The following VPS41 variants were observed in gnomAD, a reference collection of about 807,000 sequenced individuals.
VPS41 encodes VPS41 subunit of HOPS complex.
Under a neutral mutation model 130.9 loss-of-function variants are expected in VPS41, and 85 were observed. That is an observed-to-expected ratio of 0.65 (90% CI 0.55 to 0.78). VPS41 has a LOEUF of 0.78. Among genes scored for constraint, VPS41 ranks in the 30% least tolerant of loss-of-function variants. The pLI, the probability that VPS41 is intolerant of heterozygous loss-of-function variation, is 0.00. For synonymous variants in VPS41, 335 were observed against 332.9 expected (o/e 1.01, Z -0.07); for missense variants, 874 against 1,018.7 (o/e 0.86, Z 1.93).
chr7:38,746,213 C>A (rs1795981476), intron 22 of VPS41, among the ~76,000 whole-genome samples: 1 of 149,392 alleles, frequency 6.7e-6, no homozygotes, highest in Non-Finnish European at 1.5e-5. Context: ...AAGAAGGATC[C>A]AAAAAGGAGC....
At chr7:38,842,327 G>A (rs544665156) in intron 4 of VPS41, among the ~76,000 whole-genome samples, 74 of 152,166 alleles carry the variant, frequency 4.9e-4, no homozygotes, top group African/African-American at 1.3e-3. Context: ...ACACACGCTC[G>A]TCTTCTCCAA....
intron 2 of VPS41, among the ~76,000 whole-genome samples, chr7:38,888,045 G>A (rs1458121576): frequency 1.3e-5 from 2 of 152,212 alleles, no homozygotes; most frequent in Non-Finnish European, 2.9e-5. Flanking sequence ...GACGTGGATA[G>A]GAACAACTGG....
chr7:38,888,581 A>G (rs892217808), intron 2 of VPS41, among the ~76,000 whole-genome samples: 1 of 152,218 alleles, frequency 6.6e-6, no homozygotes, highest in Non-Finnish European at 1.5e-5. Context: ...ATAATGGGAG[A>G]CTTTAACACC....
At chr7:38,898,044 C>T in intron 2 of VPS41, 47 bp downstream of exon 2, 2 of 1,585,340 alleles carry the variant, frequency 1.3e-6, no homozygotes, top group African/African-American at 1.3e-5. Context: ...CTCAAGAGAA[C>T]AACGTGGTGA....
rs755672879 is a variant in VPS41, at chr7:38,726,205, CAA to C, written c.*39_*40del. ...GCTTTTGTTGTTGCAAAAACAGTCT[CAA>C]AAAGAGTGGTGACAAGGAGACTGAC... is the stretch of plus-strand genomic sequence containing the variant. On this transcript the variant is annotated 3_prime_UTR_variant, in exon 29 of 29. Coordinates refer to ENST00000310301, the MANE Select transcript of VPS41 (RefSeq NM_014396.4). 19 of 1,424,690 alleles carry C rather than the reference CAA, an allele frequency of 1.3e-5. No individual in the cohort carries two copies. In the African/African-American group the frequency reaches 2.0e-4, roughly 15 times the overall value. 88.3% of individuals were successfully genotyped at this position (1,424,690 alleles called of 1,614,324 possible).
At chr7:38,861,087 T>C (rs1405211851) in intron 4 of VPS41, among the ~76,000 whole-genome samples, 4 of 152,102 alleles carry the variant, frequency 2.6e-5, no homozygotes, top group East Asian at 3.9e-4. Flanking sequence ...AGGATGGATG[T>C]AGGATATACT....
In VPS41 at chr7:38,795,435, C is replaced by T. The variant is rs11984145; in HGVS notation, c.717+30G>A. 0.062 allele frequency: 98,631 copies of T among 1,597,732 alleles called. 3,378 individuals carry two copies. Among genetic ancestry groups the T allele is most frequent in the Middle Eastern group, 0.075 (449 of 5,958 alleles). On this transcript the variant is annotated intron_variant, in intron 9 of 28. Coordinates refer to ENST00000310301, the MANE Select transcript of VPS41 (RefSeq NM_014396.4). ...CACCCTCAGTGGATCTATAACAACA[C>T]GGACTTATTATAAAGACAAGCAAAA... is the stretch of plus-strand genomic sequence containing the variant.
chr7:38,778,058 G>T (rs992409807), intron 10 of VPS41, among the ~76,000 whole-genome samples: 68 of 152,234 alleles, frequency 4.5e-4, no homozygotes, highest in Middle Eastern at 3.4e-3. Flanking sequence ...AAATAAAATT[G>T]TGGATGACCA....
intron 7 of VPS41, among the ~76,000 whole-genome samples, chr7:38,816,349 C>G (rs181523252): frequency 3.5e-4 from 54 of 152,284 alleles, no homozygotes; most frequent in Admixed American, 2.4e-3. Context: ...ACCTGCCACT[C>G]ATTACAACGA....
intron 10 of VPS41, among the ~76,000 whole-genome samples, chr7:38,780,716 G>A (rs1420417629): frequency 6.6e-6 from 1 of 152,194 alleles, no homozygotes; most frequent in Non-Finnish European, 1.5e-5. Context: ...ACGTGCTATA[G>A]CTTGGATGTG....
chr7:38,862,749 C>T, intron 3 of VPS41, 127 bp from the exon 4 acceptor site: 1 of 614,282 alleles, frequency 1.6e-6, no homozygotes, highest in Non-Finnish European at 2.8e-6. Context: ...AAAAGATATG[C>T]ATGCCTTGGA....
chr7:38,821,367 A>G, intron 5 of VPS41, 102 bp from the exon 6 acceptor site: 1 of 836,356 alleles, frequency 1.2e-6, no homozygotes, highest in Non-Finnish European at 1.9e-6. Flanking sequence ...AGAATATTTA[A>G]TAATTTTAAG....
intron 2 of VPS41, among the ~76,000 whole-genome samples, chr7:38,876,696 G>C (rs1786500320): frequency 6.6e-6 from 1 of 152,072 alleles, no homozygotes; most frequent in Non-Finnish European, 1.5e-5. Context: ...ACACTAACCA[G>C]AAAACTGAGA....
intron 7 of VPS41, among the ~76,000 whole-genome samples, chr7:38,802,010 T>G (rs1784736191): frequency 6.6e-6 from 1 of 152,230 alleles, no homozygotes; most frequent in African/African-American, 2.4e-5. Flanking sequence ...AACACAGCCT[T>G]GCTTTTAGAA....
intron 13 of VPS41, among the ~76,000 whole-genome samples, chr7:38,772,267 C>T (rs576199786): frequency 2.0e-5 from 3 of 152,174 alleles, no homozygotes; most frequent in African/African-American, 4.8e-5. Context: ...AAACTTCCAA[C>T]AGTCTAGATC....
chr7:38,728,467 G>T, intron 27 of VPS41, 75 bp downstream of exon 27: 2 of 1,487,810 alleles, frequency 1.3e-6, no homozygotes, highest in Non-Finnish European at 1.9e-6. Context: ...AACGGTAGTT[G>T]GCTAATTCCA....
chr7:38,775,658 T>C (rs1784245505), intron 11 of VPS41: 1 of 152,116 alleles, frequency 6.6e-6, no homozygotes, highest in East Asian at 1.9e-4. Context: ...AGTGTTCACT[T>C]AAGTCTATAG....
chr7:38,751,068 A>C (rs1490718051), intron 22 of VPS41, among the ~76,000 whole-genome samples: 1 of 152,224 alleles, frequency 6.6e-6, no homozygotes, highest in African/African-American at 2.4e-5. Flanking sequence ...TTAGGGCCCC[A>C]AATATAAAAT....
rs185251185 is a variant in VPS41, at chr7:38,802,467, T to A, written c.451-5603A>T. ...TAGTAATTATGGAGTCATTTCTATA[T>A]CTCTGAAACTCTCATGCAGGATTTG... On this transcript the variant is annotated intron_variant, in intron 7 of 28. Coordinates refer to ENST00000310301, the MANE Select transcript of VPS41 (RefSeq NM_014396.4). Among the ~76,000 whole-genome samples the A allele has an allele frequency of 5.3e-5, 8 of 152,322 alleles. No homozygotes were observed. The East Asian group carries it at 9.6e-4, about 18-fold the overall frequency.
Sources: gnomAD v4.1 joint callset for allele counts (sites outside exome capture counted in the v4.1 genomes callset) on GRCh38, gnomAD v4.1.1 for gene constraint, MANE v1.5 for transcripts, NCBI Gene and HGNC (gene_info 2026-07-23, HGNC 2026-07-21) for gene names.